Variants in MUC3A observed in about 807,000 individuals in gnomAD.
The protein encoded by MUC3A is mucin 3A, cell surface associated, also known as mucin-3A.
Under a neutral mutation model 109.0 loss-of-function variants are expected in MUC3A, and 109 were observed. The ratio of observed to expected loss-of-function variants is 1.00; its 90% CI spans 0.86 to 1.17. The LOEUF is 1.17. MUC3A is among the 50% of genes most tolerant of loss of function. MUC3A has a pLI of 0.00. For missense variants in MUC3A, 3,537 were observed against 2,469.4 expected, an observed-to-expected ratio of 1.43 and a Z score of -9.16; for synonymous variants, 1,398 against 981.4, an observed-to-expected ratio of 1.42 and a Z score of -7.93.
rs770947743 is a variant in MUC3A at position 100,963,218 on chromosome 7, C to T, written c.9120C>T (p.Asp3040=). 6.3e-7 allele frequency: 1 copy of T among 1,598,348 alleles called. No individual in the cohort carries two copies. Among genetic ancestry groups the T allele is most frequent in the Non-Finnish European group, 8.5e-7 (1 of 1,179,762 alleles). The change falls in exon 4 of 12, where the codon GAC becomes GAT. Residue 3040 remains aspartate, a synonymous_variant. Transcript: ENST00000379458. ...VDQQFSPDLN[D]NTSQAYRDFN... ...AGCAGTTCTCGCCGGACCTCAATGA[C>T]AACACTTCCCAGGCCTACAGGGATT... is the stretch of plus-strand genomic sequence containing the variant.
intron 5 of MUC3A, 103 bp from the exon 6 acceptor site, chr7:100,964,592 T>C (rs4989164): frequency 1.0e-3 from 29 of 28,264 alleles, no homozygotes; most frequent in East Asian, 9.8e-3. Context: ...TGACCTCTGC[T>C]CCCTTCCCCC....
rs761133599 is a variant in MUC3A at position 100,965,365 on chromosome 7, G to T, written c.9448+18G>T. ...CCCGGCAGGTAAGGGTGGGGTAAAG[G>T]GCTGAGTGGTCTCCCGCGGCTATGA... On this transcript the variant is annotated intron_variant, in intron 7 of 11. Coordinates refer to ENST00000379458, the MANE Select transcript of MUC3A (RefSeq NM_005960.2). 3 of 1,596,202 alleles carry T rather than the reference G, an allele frequency of 1.9e-6. No individual in the cohort carries two copies. Among genetic ancestry groups the T allele is most frequent in the Non-Finnish European group, 8.5e-7 (1 of 1,178,364 alleles).
rs1792058169 is a variant in MUC3A at position 100,954,804 on chromosome 7, C to T, written c.3025C>T (p.Pro1009Ser). Residue 1009 changes from proline to serine, a missense_variant, in exon 2 of 12, where the codon CCC (proline) becomes TCC (serine). Physicochemically the swap from Pro to Ser is moderately conservative, Grantham distance 74 (BLOSUM62 -1). Transcript: ENST00000379458. ...CACAACAGCCATGACTTCTCCTCCC[C>T]CCGTCAGTTCTTCAATCACTCCCAC... is the stretch of plus-strand genomic sequence containing the variant. ...SLTTAMTSPP[P>S]VSSSITPTNT... is the part of the protein sequence containing the mutation. 5 of 404,794 alleles carry T rather than the reference C, an allele frequency of 1.2e-5. No individual in the cohort carries two copies. Among genetic ancestry groups the T allele is most frequent in the Non-Finnish European group, 2.2e-5 (5 of 230,266 alleles). 25.1% of individuals were successfully genotyped at this position (404,794 alleles called of 1,614,324 possible). A position where few individuals can be genotyped will look rare whatever the true frequency, so the allele number is the denominator to read the frequency against.
Position 100,958,125 on chromosome 7 carries a change from A to ACAG in MUC3A, c.6347_6348insAGC (p.Thr2116_Ser2117insAla). 7.6e-7 allele frequency: 1 copy of ACAG among 1,316,572 alleles called. No individual in the cohort carries two copies. Among genetic ancestry groups the ACAG allele is most frequent in the Non-Finnish European group, 1.1e-6 (1 of 927,568 alleles). 81.6% of individuals were successfully genotyped at this position (1,316,572 alleles called of 1,614,324 possible). A position where few individuals can be genotyped will look rare whatever the true frequency, so the allele number is the denominator to read the frequency against. On this transcript the variant is annotated inframe_insertion, in exon 2 of 12. Transcript: ENST00000379458. ...TCCCAGCTTCACTTCCTCAATCACC[A>ACAG]CCTCTGAGATGCCCTCACACAGTAC...
Position 100,958,838 on chromosome 7 carries a change from C to T in MUC3A, c.7059C>T (p.His2353=), listed in dbSNP as rs759977208. The T allele has an allele frequency of 2.7e-6, 4 of 1,493,334 alleles. No homozygotes were observed. In the South Asian group the frequency reaches 3.5e-5, roughly 13 times the overall value. The allele number at this position is 1,493,334 out of a possible 1,614,324, so 92.5% of individuals were successfully genotyped here. A position where few individuals can be genotyped will look rare whatever the true frequency, so the allele number is the denominator to read the frequency against. Residue 2353 remains histidine (H), a synonymous_variant, in exon 2 of 12, where the codon CAC becomes CAT. Transcript: ENST00000379458. ...SSITTTETNS[H]STTSFTSSIT... Reference sequence around the variant, plus strand: ...TCACCACCACCGAGACCAACTCTCACAGTACTACCAGCTTCACTTCTTCGA... The same window carrying T: ...TCACCACCACCGAGACCAACTCTCATAGTACTACCAGCTTCACTTCTTCGA...
At position 100,956,165 on chromosome 7, in the gene MUC3A, C is replaced by T. The variant is rs948502650; in HGVS notation, c.4386C>T (p.Thr1462=). 1.8e-3 allele frequency: 777 copies of T among 443,842 alleles called. 4 individuals are homozygous for T. Among genetic ancestry groups the T allele is most frequent in the African/African-American group, 7.4e-3 (367 of 49,348 alleles). The allele number at this position is 443,842 out of a possible 1,614,324, so 27.5% of individuals were successfully genotyped here. ...CCAGGTCTACACTTACATCTGAGAC[C>T]GCCTACCCTAGTTCTCCCACAAGCA... ...TITRSTLTSE[T]AYPSSPTSTV... is the part of the protein sequence containing the mutation. The change falls in exon 2 of 12, where the codon ACC becomes ACT. Residue 1462 remains threonine, a synonymous_variant. Transcript: ENST00000379458.
At position 100,958,069 on chromosome 7, in the gene MUC3A, T is replaced by A; in HGVS notation, c.6290T>A (p.Ile2097Asn). The part of the protein sequence containing the change: ...SHSTLSFTSS[I>N]TTTETTSHST... ...AGTACTCTCAGCTTCACTTCTTCAA[T>A]CACCACCACTGAGACCACCTCACAC... The change falls in exon 2 of 12, where the codon ATC becomes AAC. Residue 2097 changes from isoleucine to asparagine, a missense_variant. Ile to Asn is a moderately radical substitution (Grantham distance 149). Coordinates refer to ENST00000379458, the MANE Select transcript of MUC3A (RefSeq NM_005960.2). 1 of 1,359,152 alleles carries A rather than the reference T, an allele frequency of 7.4e-7. No individual in the cohort carries two copies. Among genetic ancestry groups the A allele is most frequent in the South Asian group, 1.2e-5 (1 of 85,402 alleles). 84.2% of individuals were successfully genotyped at this position (1,359,152 alleles called of 1,614,324 possible).
chr7:100,965,202 T>C, intron 6 of MUC3A, 80 bp from the exon 7 acceptor site: 1 of 1,560,026 alleles, frequency 6.4e-7, no homozygotes, highest in Non-Finnish European at 8.6e-7. Flanking sequence ...CCTGTGCCTA[T>C]CCTGCCTCCT....
At chr7:100,967,029 C>T (rs587714429) in intron 11 of MUC3A, 78 bp downstream of exon 11, 7 of 1,598,376 alleles carry the variant, frequency 4.4e-6, no homozygotes, top group Non-Finnish European at 5.9e-6. Flanking sequence ...CCCACCAGGG[C>T]AGGGAGGGGG....
At chr7:100,963,872 A>T in intron 5 of MUC3A, 120 bp downstream of exon 5, 1 of 1,418,924 alleles carries the variant, frequency 7.0e-7, no homozygotes, top group Non-Finnish European at 9.6e-7. Flanking sequence ...GAGGGGGTAC[A>T]TAAGGAATCA....
Position 100,960,107 on chromosome 7 carries a change from C to T in MUC3A, c.8328C>T (p.Thr2776=), listed in dbSNP as rs1449745903. Residue 2776 remains threonine (T), a synonymous_variant, in exon 2 of 12, where the codon ACC becomes ACT. Coordinates refer to ENST00000379458, the MANE Select transcript of MUC3A (RefSeq NM_005960.2). Reference sequence around the variant, plus strand: ...CCTGTCCAGGAACTATAACAATTACCATAGTCCCTGCCTCCCCCACTGATC... The same window carrying T: ...CCTGTCCAGGAACTATAACAATTACTATAGTCCCTGCCTCCCCCACTGATC... The part of the protein sequence containing the change: ...TTPCPGTITI[T]IVPASPTDPC... The T allele has an allele frequency of 2.6e-6, 4 of 1,533,808 alleles. No homozygotes were observed. The highest frequency in any genetic ancestry group is 4.5e-5 in the East Asian group (2 of 44,478).
Position 100,960,629 on chromosome 7 carries a change from G to A in MUC3A, c.8850G>A (p.Thr2950=), listed in dbSNP as rs746571159. 2.5e-6 allele frequency: 4 copies of A among 1,597,960 alleles called. No individual in the cohort carries two copies. Among genetic ancestry groups the A allele is most frequent in the African/African-American group, 1.3e-5 (1 of 74,956 alleles). The change falls in exon 2 of 12, where the codon ACG becomes ACA. Residue 2950 remains threonine (T), a synonymous_variant. Transcript: ENST00000379458. The stretch of plus-strand genomic sequence containing the variant: ...CTTCTCAGATGACCACACAGTCCAC[G>A]TTGACCACCACTGCAGGTTGGACCT... ...RITSQMTTQS[T]LTTTAGTCDN...
intron 3 of MUC3A, among the ~76,000 whole-genome samples, chr7:100,961,334 G>A (rs1049820815): frequency 3.9e-5 from 3 of 76,930 alleles, no homozygotes; most frequent in Non-Finnish European, 7.9e-5. Context: ...GTCTTTCAGC[G>A]GCTCCAGGGA....
chr7:100,956,870 C>T lies in MUC3A; in HGVS notation c.5091C>T (p.Thr1697=), dbSNP rs897206498. Reference sequence around the variant, plus strand: ...CACTCCACACAACAGCTGAATCCACCCCATCACCTACAACCACCATGTCAT... The same window carrying T: ...CACTCCACACAACAGCTGAATCCACTCCATCACCTACAACCACCATGTCAT... ...TSTLHTTAES[T]PSPTTTMSFT... Residue 1697 remains threonine (T), a synonymous_variant, in exon 2 of 12, where the codon ACC becomes ACT. Transcript: ENST00000379458. 517 of 413,602 alleles carry T rather than the reference C, an allele frequency of 1.2e-3. No homozygotes were observed. Among genetic ancestry groups the T allele is most frequent in the Non-Finnish European group, 1.6e-3 (369 of 236,506 alleles). 25.6% of individuals were successfully genotyped at this position (413,602 alleles called of 1,614,324 possible).
Position 100,952,744 on chromosome 7 carries a change from C to A in MUC3A, c.965C>A (p.Pro322His), listed in dbSNP as rs77636516. ...CTATCCACCTTGGTGACCACACTCC[C>A]CACTACCATCAGCAGGTCTACACCT... is the stretch of plus-strand genomic sequence containing the variant. ...TPLSTLVTTL[P>H]TTISRSTPTS... Residue 322 changes from proline (P) to histidine (H), a missense_variant, in exon 2 of 12, where the codon CCC becomes CAC. Pro to His is a moderately conservative substitution (Grantham distance 77). Transcript: ENST00000379458. The A allele has an allele frequency of 6.3e-7, 1 of 1,583,792 alleles. No homozygotes were observed. Among genetic ancestry groups the A allele is most frequent in the Non-Finnish European group, 8.5e-7 (1 of 1,172,566 alleles).
At chr7:100,965,061 T>G in intron 6 of MUC3A, 2 of 1,107,492 alleles carry the variant, frequency 1.8e-6, no homozygotes, top group African/African-American at 3.1e-5. Context: ...ATTGTCATGG[T>G]CAGCATTTCC....
chr7:100,965,852 C>A lies in MUC3A; in HGVS notation c.9597C>A (p.Ser3199Arg), dbSNP rs1342937492. 9.4e-6 allele frequency: 15 copies of A among 1,593,864 alleles called. No individual in the cohort carries two copies. The highest frequency in any genetic ancestry group is 8.8e-5 in the South Asian group (8 of 90,624). ...AGGGCCAGTGCGTTCTGGAGACGAG[C>A]GGTCCCACGTGTCGGTAAGGCCCCG... ...CHQGQCVLETSGPTCRCYSTD... is the reference protein window; with the variant it reads ...CHQGQCVLETRGPTCRCYSTD... The change falls in exon 8 of 12, where the codon AGC becomes AGA. Residue 3199 changes from serine (S) to arginine (R), a missense_variant. Ser to Arg is a moderately radical substitution (Grantham distance 110). Transcript: ENST00000379458.
At chr7:100,966,081 G>C in intron 8 of MUC3A, 2 of 572,772 alleles carry the variant, frequency 3.5e-6, no homozygotes, top group East Asian at 3.6e-5. Context: ...CCCTAATTCT[G>C]GGAGAGAACC....
At position 100,960,808 on chromosome 7, in the gene MUC3A, T is replaced by C; in HGVS notation, c.8923T>C (p.Phe2975Leu). 1.3e-6 allele frequency: 2 copies of C among 1,598,526 alleles called. No homozygotes were observed. The highest frequency in any genetic ancestry group is 1.7e-6 in the Non-Finnish European group (2 of 1,179,810). Reference protein sequence around the residue: ...EQGQCACLPGFSGDRCQLQTR... With the variant: ...EQGQCACLPGLSGDRCQLQTR... The stretch of plus-strand genomic sequence containing the variant: ...GGGCCAGTGTGCTTGCCTTCCGGGG[T>C]TTTCTGGGGACCGCTGTCAGCTCCA... The change falls in exon 3 of 12, where the codon TTT becomes CTT. Residue 2975 changes from phenylalanine (F) to leucine (L), a missense_variant. Coordinates refer to ENST00000379458, the MANE Select transcript of MUC3A (RefSeq NM_005960.2).
Sources: allele counts gnomAD v4.1 joint callset (sites outside exome capture counted in the v4.1 genomes callset), GRCh38; gene constraint gnomAD v4.1.1; transcripts MANE v1.5; gene names NCBI Gene and HGNC (gene_info 2026-07-23, HGNC 2026-07-21).